The following PARP8 variants were observed in gnomAD, a reference collection of about 807,000 sequenced individuals.
PARP8 encodes the protein poly(ADP-ribose) polymerase family member 8.
Under a neutral mutation model 124.1 loss-of-function variants are expected in PARP8, and 51 were observed. That is an observed-to-expected ratio of 0.41 (90% CI 0.33 to 0.52). The LOEUF is 0.52. Among genes scored for constraint, PARP8 ranks in the 20% least tolerant of loss-of-function variants. PARP8 has a pLI of 0.21. For missense variants in PARP8, 860 were observed against 1,018.9 expected (o/e 0.84, Z 2.12); for synonymous variants, 391 against 361.5 (o/e 1.08, Z -0.93).
chr5:50,739,709 C>CATATATATAT (rs372997958), intron 2 of PARP8, among the ~76,000 whole-genome samples: 11 of 101,018 alleles, frequency 1.1e-4, no homozygotes, highest in African/African-American at 4.6e-4. Context: ...TGGGTATATA[C>CATATATATAT]ATATATATAT....
intron 21 of PARP8, among the ~76,000 whole-genome samples, chr5:50,828,905 A>AAAAAG (rs201261638): frequency 6.6e-6 from 1 of 152,034 alleles, no homozygotes; most frequent in Non-Finnish European, 1.5e-5. Context: ...AAAAAGAAAA[A>AAAAAG]AAAAGAAAAG....
At chr5:50,743,086 G>A (rs148902431) in intron 2 of PARP8, among the ~76,000 whole-genome samples, 16 of 152,242 alleles carry the variant, frequency 1.1e-4, no homozygotes, top group Non-Finnish European at 2.2e-4. Flanking sequence ...TAGAAGGGGA[G>A]CCATTCACTC....
At chr5:50,769,354 A>T (rs1761371566) in intron 7 of PARP8, among the ~76,000 whole-genome samples, 2 of 151,980 alleles carry the variant, frequency 1.3e-5, no homozygotes, top group Non-Finnish European at 2.9e-5. Context: ...GAAAAAAAAA[A>T]GTTGTTTCCC....
At chr5:50,782,792 C>T (rs1484442525) in intron 9 of PARP8, among the ~76,000 whole-genome samples, 4 of 152,068 alleles carry the variant, frequency 2.6e-5, no homozygotes, top group South Asian at 4.1e-4. Flanking sequence ...ACAAACCACT[C>T]TAGTATCTCA....
At chr5:50,733,636 T>C (rs1385406287) in intron 2 of PARP8, among the ~76,000 whole-genome samples, 1 of 152,144 alleles carries the variant, frequency 6.6e-6, no homozygotes, top group Non-Finnish European at 1.5e-5. Flanking sequence ...ATTTAGAAAA[T>C]AGTTACTCAG....
intron 25 of PARP8, among the ~76,000 whole-genome samples, chr5:50,838,479 A>G (rs1405684139): frequency 6.6e-6 from 1 of 152,108 alleles, no homozygotes; most frequent in Non-Finnish European, 1.5e-5. Context: ...TTTAATATTC[A>G]GAAATTGAAG....
chr5:50,823,134 C>T (rs1423312418), intron 17 of PARP8, among the ~76,000 whole-genome samples: 1 of 152,176 alleles, frequency 6.6e-6, no homozygotes, highest in Non-Finnish European at 1.5e-5. Flanking sequence ...CTTAGAGACC[C>T]TTGCAGGCTT....
intron 2 of PARP8, among the ~76,000 whole-genome samples, chr5:50,747,163 GTTTTT>G (rs1211253892): frequency 1.0e-5 from 1 of 95,504 alleles, no homozygotes; most frequent in African/African-American, 4.1e-5. Flanking sequence ...TGTTTGTTTT[GTTTTT>G]TTTTTTTTTT....
intron 9 of PARP8, among the ~76,000 whole-genome samples, chr5:50,779,540 C>T (rs752019901): frequency 3.6e-4 from 55 of 152,144 alleles, no homozygotes; most frequent in Non-Finnish European, 7.8e-4. Flanking sequence ...GTGGTTTGGA[C>T]TTCTTGTACC....
rs143698440 is a variant in PARP8 at position 50,846,049 on chromosome 5, C to T, written c.*3981C>T. Reference sequence around the variant, plus strand: ...ATGAGTGTGAAAAAAGCTGTGTTGACGAATAGATTACATTTCACATTTACC... The same window carrying T: ...ATGAGTGTGAAAAAAGCTGTGTTGATGAATAGATTACATTTCACATTTACC... On this transcript the variant is annotated 3_prime_UTR_variant, in exon 26 of 26. Transcript: ENST00000281631. 1.1e-4 allele frequency: 16 copies of T among 151,608 alleles called. No individual in the cohort carries two copies. In the East Asian group the frequency reaches 1.6e-3, roughly 15 times the overall value. 9.4% of individuals were successfully genotyped at this position (151,608 alleles called of 1,614,324 possible).
At chr5:50,716,610 A>C (rs1457456889) in intron 2 of PARP8, among the ~76,000 whole-genome samples, 1 of 152,074 alleles carries the variant, frequency 6.6e-6, no homozygotes, top group East Asian at 1.9e-4. Context: ...TGTGACACCT[A>C]GCATGAATGA....
chr5:50,766,095 G>A (rs771323585), intron 7 of PARP8, among the ~76,000 whole-genome samples: 1 of 152,082 alleles, frequency 6.6e-6, no homozygotes, highest in Non-Finnish European at 1.5e-5. Context: ...GATTATTGAG[G>A]CAAAATCCTC....
At chr5:50,678,037 A>G (rs906877579) in intron 2 of PARP8, among the ~76,000 whole-genome samples, 1 of 152,172 alleles carries the variant, frequency 6.6e-6, no homozygotes, top group African/African-American at 2.4e-5. Flanking sequence ...ACTAAAATTG[A>G]TAACTTATGG....
At chr5:50,733,030 G>A (rs1433531738) in intron 2 of PARP8, among the ~76,000 whole-genome samples, 2 of 151,786 alleles carry the variant, frequency 1.3e-5, no homozygotes, top group African/African-American at 2.4e-5. Flanking sequence ...GGCCGGGCGC[G>A]GTGGCTCATG....
chr5:50,680,630 C>T (rs556018229), intron 2 of PARP8, among the ~76,000 whole-genome samples: 1 of 152,290 alleles, frequency 6.6e-6, no homozygotes, highest in African/African-American at 2.4e-5. Flanking sequence ...ATGGTTCTCA[C>T]ACATTCCATA....
chr5:50,691,407 C>T (rs1752485636), intron 2 of PARP8, among the ~76,000 whole-genome samples: 1 of 152,184 alleles, frequency 6.6e-6, no homozygotes, highest in Admixed American at 6.6e-5. Flanking sequence ...TAATCATGCC[C>T]TCCTTTTGGA....
At chr5:50,802,819 A>C (rs373421773) in intron 14 of PARP8, among the ~76,000 whole-genome samples, 3 of 152,184 alleles carry the variant, frequency 2.0e-5, no homozygotes, top group Non-Finnish European at 4.4e-5. Flanking sequence ...CAAATGTATC[A>C]ATGTATTATA....
rs142999610 is a variant in PARP8 at position 50,792,950 on chromosome 5, G to A, written c.738-1257G>A. Among the ~76,000 whole-genome samples the A allele has an allele frequency of 1.6e-4, 24 of 152,198 alleles. No homozygotes were observed. The East Asian group carries it at 3.7e-3, about 23-fold the overall frequency. On this transcript the variant is annotated intron_variant, in intron 10 of 25. Transcript: ENST00000281631. Reference sequence around the variant, plus strand: ...GGATCCTGAGAACTTAGTAACTGGCGTTGTGCTAAGAGTCACATCTGTCCC... The same window carrying A: ...GGATCCTGAGAACTTAGTAACTGGCATTGTGCTAAGAGTCACATCTGTCCC...
At position 50,797,630 on chromosome 5, in the gene PARP8, C is replaced by T. The variant is rs186014268; in HGVS notation, c.1575+397C>T. The stretch of plus-strand genomic sequence containing the variant: ...GAATATGTGAGAGGAGAGTCTTGAT[C>T]CTATGCTAGTTAAAAGAGGTACACA... On this transcript the variant is annotated intron_variant, in intron 14 of 25. Coordinates refer to ENST00000281631, the MANE Select transcript of PARP8 (RefSeq NM_024615.4). Among the ~76,000 whole-genome samples, 167 of 152,212 alleles carry T rather than the reference C, an allele frequency of 1.1e-3. 1 individual carries two copies. Among genetic ancestry groups the T allele is most frequent in the South Asian group, 1.9e-3 (9 of 4,820 alleles).
Sources: allele counts gnomAD v4.1 joint callset (sites outside exome capture counted in the v4.1 genomes callset), GRCh38; gene constraint gnomAD v4.1.1; transcripts MANE v1.5; gene names NCBI Gene and HGNC (gene_info 2026-07-23, HGNC 2026-07-21).